The following RNF216 variants were observed in gnomAD, a reference collection of about 807,000 sequenced individuals.
RNF216 encodes E3 ubiquitin-protein ligase RNF216.
In RNF216, 72 loss-of-function variants were observed where a neutral mutation model predicts 110.8. The ratio of observed to expected loss-of-function variants is 0.65; its 90% CI spans 0.54 to 0.79. The LOEUF (loss-of-function observed/expected upper bound fraction) is 0.79. Ranked by LOEUF, RNF216 falls within the 30% of genes least tolerant of loss-of-function variation. The pLI, the probability that RNF216 is intolerant of heterozygous loss-of-function variation, is 0.00. For synonymous variants in RNF216, 495 were observed against 407.5 expected (o/e 1.21, Z -2.59); for missense variants, 1,342 against 1,141.2 (o/e 1.18, Z -2.54).
At chr7:5,766,588 C>T (rs1455459216) in intron 1 of RNF216, among the ~76,000 whole-genome samples, 1 of 152,164 alleles carries the variant, frequency 6.6e-6, no homozygotes. Context: ...GAGAACTAAC[C>T]AGAATCCAAC....
chr7:5,703,478 T>A (rs897839502), intron 13 of RNF216, among the ~76,000 whole-genome samples: 9 of 152,378 alleles, frequency 5.9e-5, no homozygotes, highest in African/African-American at 2.2e-4. Context: ...TGTAGGAGGC[T>A]GCAGATGCCT....
chr7:5,672,653 G>A (rs916778614), intron 13 of RNF216, among the ~76,000 whole-genome samples: 1 of 152,142 alleles, frequency 6.6e-6, no homozygotes, highest in African/African-American at 2.4e-5. Flanking sequence ...AAGACTCATC[G>A]CATAAATACT....
intron 13 of RNF216, among the ~76,000 whole-genome samples, chr7:5,671,080 A>G (rs1379375597): frequency 6.6e-6 from 1 of 152,268 alleles, no homozygotes; most frequent in Non-Finnish European, 1.5e-5. Flanking sequence ...ACTGCTCTAA[A>G]TAACACAGAT....
intron 13 of RNF216, among the ~76,000 whole-genome samples, chr7:5,685,171 G>A (rs1790898130): frequency 6.6e-6 from 1 of 152,178 alleles, no homozygotes; most frequent in African/African-American, 2.4e-5. Flanking sequence ...TGATTGGGCT[G>A]CCCATGTACA....
At chr7:5,726,463 T>C (rs1016154513) in intron 7 of RNF216, among the ~76,000 whole-genome samples, 6 of 152,136 alleles carry the variant, frequency 3.9e-5, no homozygotes, top group African/African-American at 9.7e-5. Context: ...CCCCACCCTG[T>C]AACAGGATGC....
chr7:5,709,422 T>C (rs1248950507), intron 13 of RNF216, among the ~76,000 whole-genome samples: 3 of 152,162 alleles, frequency 2.0e-5, no homozygotes, highest in Non-Finnish European at 4.4e-5. Context: ...CAGAGAGAAA[T>C]GGTCCTTCCG....
At chr7:5,660,943 G>GTTTTTTTTTGTTTTTTTTTTTTTT (rs1470327757) in intron 13 of RNF216, among the ~76,000 whole-genome samples, 1 of 90,164 alleles carries the variant, frequency 1.1e-5, no homozygotes, top group Non-Finnish European at 2.0e-5. Context: ...GAAGCCTTAG[G>GTTTTTTTTTGTTTTTTTTTTTTTT]TTTTTTTTTT....
intron 1 of RNF216, among the ~76,000 whole-genome samples, chr7:5,767,513 T>C (rs1235543996): frequency 6.6e-6 from 1 of 151,886 alleles, no homozygotes; most frequent in African/African-American, 2.4e-5. Flanking sequence ...CTATGCCACA[T>C]ACATGCAGGA....
chr7:5,749,966 A>G (rs538381014), intron 3 of RNF216, among the ~76,000 whole-genome samples: 2 of 152,296 alleles, frequency 1.3e-5, no homozygotes, highest in East Asian at 3.9e-4. Flanking sequence ...TTTTAAGGTT[A>G]TTATAGCTTA....
intron 13 of RNF216, among the ~76,000 whole-genome samples, chr7:5,659,198 T>A (rs941467375): frequency 2.0e-5 from 3 of 152,208 alleles, no homozygotes; most frequent in African/African-American, 7.2e-5. Flanking sequence ...CTCATTTATG[T>A]GCTCTTCCAG....
Position 5,628,454 on chromosome 7 carries a change from A to G in RNF216, c.2383-4329T>C, listed in dbSNP as rs182446581. ...TGCTTAATAACTTTAATACAACTTA[A>G]AAGTTTTTTTTCTTTTTTAAAATAA... On this transcript the variant is annotated intron_variant, in intron 15 of 16. Transcript: ENST00000389902. 4.4e-3 allele frequency among the ~76,000 whole-genome samples: 665 copies of G among 152,230 alleles called. 1 individual carries two copies. Among genetic ancestry groups the G allele is most frequent in the Non-Finnish European group, 7.1e-3 (484 of 68,032 alleles).
chr7:5,702,745 T>C (rs778290382), intron 13 of RNF216, among the ~76,000 whole-genome samples: 1 of 152,090 alleles, frequency 6.6e-6, no homozygotes, highest in Non-Finnish European at 1.5e-5. Context: ...AAAGTGAAAT[T>C]TTAAAAAGTG....
rs1358276709 is a variant in RNF216, at chr7:5,711,771, T to A, written c.2051A>T (p.His684Leu). Residue 684 changes from histidine (H) to leucine (L), a missense_variant, in exon 13 of 17, where the codon CAC becomes CTC. Coordinates refer to ENST00000389902, the MANE Select transcript of RNF216 (RefSeq NM_207111.4). ...DVKRFSCPNPHCRKETCRKCQ... is the reference protein window; with the variant it reads ...DVKRFSCPNPLCRKETCRKCQ... ...AATGTGCCTCCCTACCTTTCGGCAG[T>A]GAGGATTAGGACAGCTGAACCTCTT... 9 of 1,613,186 alleles carry A rather than the reference T, an allele frequency of 5.6e-6. No individual in the cohort carries two copies. The East Asian group carries it at 2.0e-4, about 36-fold the overall frequency.
At chr7:5,702,206 G>A (rs995461335) in intron 13 of RNF216, among the ~76,000 whole-genome samples, 7 of 152,192 alleles carry the variant, frequency 4.6e-5, no homozygotes, top group Non-Finnish European at 1.0e-4. Flanking sequence ...AGGGGCTGCA[G>A]CAGCCCTGCA....
intron 2 of RNF216, among the ~76,000 whole-genome samples, chr7:5,757,204 A>C (rs1375013452): frequency 1.3e-5 from 2 of 152,154 alleles, no homozygotes; most frequent in Admixed American, 1.3e-4. Flanking sequence ...AGTCTTAAAA[A>C]TCCCCACTAT....
intron 2 of RNF216, among the ~76,000 whole-genome samples, chr7:5,753,460 A>G (rs1051589551): frequency 2.0e-5 from 3 of 152,366 alleles, no homozygotes; most frequent in Non-Finnish European, 2.9e-5. Flanking sequence ...AAGCAAACCT[A>G]TGTCAATGCT....
chr7:5,749,339 C>T (rs1412198898), intron 3 of RNF216, among the ~76,000 whole-genome samples: 2 of 151,932 alleles, frequency 1.3e-5, no homozygotes, highest in African/African-American at 2.4e-5. Context: ...TTAGTAGAGA[C>T]GAGGTTTCAC....
chr7:5,658,055 C>T (rs564247108), intron 13 of RNF216, among the ~76,000 whole-genome samples: 4 of 152,176 alleles, frequency 2.6e-5, no homozygotes, highest in African/African-American at 4.8e-5. Context: ...CACGCACACA[C>T]GGCAGGGGAG....
chr7:5,663,562 C>T (rs368124283), intron 13 of RNF216, among the ~76,000 whole-genome samples: 17 of 125,524 alleles, frequency 1.4e-4, no homozygotes, highest in African/African-American at 4.3e-4. Context: ...CCAGTCTGGG[C>T]GACACAGCGA....
Sources: gnomAD v4.1 joint callset for allele counts (sites outside exome capture counted in the v4.1 genomes callset) on GRCh38, gnomAD v4.1.1 for gene constraint, MANE v1.5 for transcripts, NCBI Gene and HGNC (gene_info 2026-07-23, HGNC 2026-07-21) for gene names.